IGSF11: variants seen among roughly 807,000 people sequenced by gnomAD.
IGSF11 encodes CXADR like 1.
In IGSF11, 22 loss-of-function variants were observed where a neutral mutation model predicts 41.0. That is an observed-to-expected ratio of 0.54 (90% CI 0.38 to 0.77). The LOEUF (loss-of-function observed/expected upper bound fraction) is 0.77, where lower values mean the gene tolerates loss of function less well. Ranked by LOEUF, IGSF11 falls within the 30% of genes least tolerant of loss-of-function variation. The pLI, the probability that IGSF11 is intolerant of heterozygous loss-of-function variation, is 0.00. For synonymous variants in IGSF11, 219 were observed against 201.3 expected (o/e 1.09, Z -0.74); for missense variants, 444 against 530.8 (o/e 0.84, Z 1.61).
rs1219168881 is a variant in IGSF11, at chr3:118,914,527, C to A, written c.581-8809G>T. On this transcript the variant is annotated intron_variant, in intron 4 of 6. Coordinates refer to ENST00000393775, the MANE Select transcript of IGSF11 (RefSeq NM_001015887.3). ...CCTGGAAAATCGGGTCACTCCCACC[C>A]GAATATGGCGCTTTTCAGACCGGCT... Among the ~76,000 whole-genome samples the A allele has an allele frequency of 3.3e-5, 5 of 151,698 alleles. No individual in the cohort carries two copies. The East Asian group carries it at 7.7e-4, about 24-fold the overall frequency.
rs548357971 is a variant in IGSF11, at chr3:119,132,277, A to C, written c.-14+13536T>G. Among the ~76,000 whole-genome samples, 6 of 150,656 alleles carry C rather than the reference A, an allele frequency of 4.0e-5. No homozygotes were observed. In the South Asian group the frequency reaches 1.3e-3, roughly 32 times the overall value. On this transcript the variant is annotated intron_variant, in intron 1 of 7. Transcript: ENST00000425327. ...CTGGCAAATTGGATAAAGAGTCAAG[A>C]CCCATCAGTGTGCTATATTCAGGAG...
At chr3:118,976,990 G>A (rs1192659154) in intron 1 of IGSF11, among the ~76,000 whole-genome samples, 2 of 152,288 alleles carry the variant, frequency 1.3e-5, no homozygotes, top group East Asian at 3.9e-4. Context: ...GCTCTTAGGG[G>A]TCTAAGCCAG....
chr3:119,142,229 C>G (rs1192700756), intron 1 of IGSF11, among the ~76,000 whole-genome samples: 1 of 143,398 alleles, frequency 7.0e-6, no homozygotes, highest in Admixed American at 7.5e-5. Flanking sequence ...GAGCCGAGAT[C>G]GCGCCACTGC....
intron 1 of IGSF11, among the ~76,000 whole-genome samples, chr3:118,997,365 G>A (rs1447466753): frequency 6.6e-6 from 1 of 152,164 alleles, no homozygotes; most frequent in Non-Finnish European, 1.5e-5. Context: ...TCTCTAATCT[G>A]GAATTCTGCA....
At chr3:119,003,674 G>T (rs950395009) in intron 1 of IGSF11, among the ~76,000 whole-genome samples, 3 of 151,752 alleles carry the variant, frequency 2.0e-5, no homozygotes, top group Admixed American at 6.5e-5. Flanking sequence ...TAGCATGAAG[G>T]GTTGTTGAAT....
At chr3:118,964,863 G>A (rs1390727942) in intron 1 of IGSF11, among the ~76,000 whole-genome samples, 2 of 152,150 alleles carry the variant, frequency 1.3e-5, no homozygotes, top group Non-Finnish European at 2.9e-5. Flanking sequence ...GTTAGCCTCA[G>A]AATACAATAG....
intron 1 of IGSF11, among the ~76,000 whole-genome samples, chr3:119,010,657 A>T (rs1216755799): frequency 6.6e-6 from 1 of 152,182 alleles, no homozygotes; most frequent in Non-Finnish European, 1.5e-5. Context: ...GACTGGAGCT[A>T]CACTACTCAC....
intron 3 of IGSF11, 46 bp from the exon 4 acceptor site, chr3:118,926,302 C>A: frequency 2.1e-6 from 3 of 1,452,024 alleles, no homozygotes; most frequent in South Asian, 2.7e-5. Flanking sequence ...TTACTGTGAG[C>A]CATGTGATGA....
At chr3:118,954,570 T>C (rs1944815608) in intron 1 of IGSF11, among the ~76,000 whole-genome samples, 1 of 152,156 alleles carries the variant, frequency 6.6e-6, no homozygotes, top group African/African-American at 2.4e-5. Flanking sequence ...TAATGGCATC[T>C]GGAATTGTAA....
chr3:119,059,287 T>C (rs1484166053), intron 1 of IGSF11, among the ~76,000 whole-genome samples: 1 of 151,910 alleles, frequency 6.6e-6, no homozygotes, highest in African/African-American at 2.4e-5. Context: ...TTGGAGACCA[T>C]TATTCTATGT....
rs1422356419 is a variant in IGSF11 at position 119,110,960 on chromosome 3, G to A, written c.-13-5755C>T. 3.3e-5 allele frequency among the ~76,000 whole-genome samples: 5 copies of A among 151,812 alleles called. No individual in the cohort carries two copies. The East Asian group carries it at 5.8e-4, about 18-fold the overall frequency. ...TTGTAGAGTTTCTGCCGAGAGATCC[G>A]CTATTAGTCTGATGGGCTTCCCTTT... On this transcript the variant is annotated intron_variant, in intron 1 of 7. Coordinates refer to the IGSF11 transcript ENST00000425327.
At chr3:119,075,532 C>T (rs577971815) in intron 1 of IGSF11, among the ~76,000 whole-genome samples, 3 of 152,224 alleles carry the variant, frequency 2.0e-5, no homozygotes, top group African/African-American at 7.2e-5. Flanking sequence ...CAAACAAAAA[C>T]ATTCAAGCCA....
intron 1 of IGSF11, among the ~76,000 whole-genome samples, chr3:119,117,993 G>T (rs748753126): frequency 6.6e-6 from 1 of 152,242 alleles, no homozygotes; most frequent in Admixed American, 6.5e-5. Context: ...GTCTTGGACA[G>T]CTCTGCCCTT....
At chr3:119,030,776 T>C (rs527934138) in intron 1 of IGSF11, among the ~76,000 whole-genome samples, 2 of 152,296 alleles carry the variant, frequency 1.3e-5, no homozygotes, top group East Asian at 3.9e-4. Context: ...AGGGATGAGA[T>C]GTGTTAGTGC....
At chr3:118,934,160 G>A (rs764376458) in intron 1 of IGSF11, among the ~76,000 whole-genome samples, 6 of 152,134 alleles carry the variant, frequency 3.9e-5, no homozygotes, top group Non-Finnish European at 7.4e-5. Flanking sequence ...TCTCTCCACA[G>A]AATCTATTCC....
chr3:119,042,459 C>T (rs1241408968), intron 1 of IGSF11, among the ~76,000 whole-genome samples: 1 of 152,178 alleles, frequency 6.6e-6, no homozygotes, highest in Non-Finnish European at 1.5e-5. Context: ...CTGACCTTGC[C>T]GGTTATGAGG....
intron 1 of IGSF11, among the ~76,000 whole-genome samples, chr3:119,033,595 C>T (rs532129261): frequency 6.6e-6 from 1 of 152,180 alleles, no homozygotes; most frequent in South Asian, 2.1e-4. Context: ...TCGAATAAGG[C>T]CATGAAATGA....
chr3:119,104,905 G>A (rs575592313), intron 1 of IGSF11, among the ~76,000 whole-genome samples: 7 of 151,990 alleles, frequency 4.6e-5, no homozygotes, highest in Admixed American at 1.3e-4. Context: ...CATTCTCAAC[G>A]TTAAGAATTC....
chr3:119,110,890 C>A (rs1264901487), intron 1 of IGSF11, among the ~76,000 whole-genome samples: 6 of 151,768 alleles, frequency 4.0e-5, no homozygotes, highest in South Asian at 4.2e-4. Flanking sequence ...GTTGAAAATT[C>A]TTTTCTTTAA....
Sources: allele counts gnomAD v4.1 joint callset (sites outside exome capture counted in the v4.1 genomes callset), GRCh38; gene constraint gnomAD v4.1.1; transcripts MANE v1.5; gene names NCBI Gene and HGNC (gene_info 2026-07-23, HGNC 2026-07-21).